The following MTO1 variants were observed in gnomAD, a reference collection of about 807,000 sequenced individuals.
The protein encoded by MTO1 is 5-taurinomethyluridine-[tRNA] synthase subunit MTO1, mitochondrial.
MTO1 carries 46 observed loss-of-function variants against 71.6 expected under a neutral mutation model. The observed-to-expected ratio is 0.64, with a 90% CI of 0.51 to 0.82. The LOEUF (loss-of-function observed/expected upper bound fraction) is 0.82. Among genes scored for constraint, MTO1 ranks in the 40% least tolerant of loss-of-function variants. The probability of loss-of-function intolerance (pLI) is 0.00; values close to 1 mark genes in which losing one functional copy is unlikely to be tolerated. For missense variants in MTO1, 773 were observed against 867.5 expected (o/e 0.89, Z 1.37); for synonymous variants, 297 against 312.1 (o/e 0.95, Z 0.51).
chr6:73,468,419 A>G (rs560384302), intron 3 of MTO1, among the ~76,000 whole-genome samples: 1 of 151,896 alleles, frequency 6.6e-6, no homozygotes, highest in Non-Finnish European at 1.5e-5. Flanking sequence ...TGCCCAGCCT[A>G]TTAACTTATT....
intron 4 of MTO1, among the ~76,000 whole-genome samples, chr6:73,474,232 G>A (rs1405518406): frequency 3.3e-5 from 5 of 151,340 alleles, no homozygotes; most frequent in Admixed American, 6.6e-5. Context: ...ATACAGGCAC[G>A]CGCCACCACA....
At chr6:73,485,295 AGATG>A (rs547249674) in intron 9 of MTO1, among the ~76,000 whole-genome samples, 36 of 152,268 alleles carry the variant, frequency 2.4e-4, no homozygotes, top group Non-Finnish European at 4.7e-4. Context: ...CATTTTGTTT[AGATG>A]GATTTTTTTT....
chr6:73,495,803 A>G (rs182322118), intron 10 of MTO1, among the ~76,000 whole-genome samples: 1 of 152,330 alleles, frequency 6.6e-6, no homozygotes, highest in East Asian at 1.9e-4. Flanking sequence ...TTCTTGAGTC[A>G]TAACATTATA....
intron 4 of MTO1, among the ~76,000 whole-genome samples, chr6:73,475,512 C>CT (rs111808691): frequency 0.037 from 5,186 of 139,242 alleles, 262 homozygotes; most frequent in African/African-American, 0.12. Context: ...GTCTTGAACT[C>CT]TTTTTTTTTT....
At position 73,482,028 on chromosome 6, in the gene MTO1, G is replaced by A. The variant is rs371070319; in HGVS notation, c.1261-12G>A. The A allele has an allele frequency of 8.1e-6, 13 of 1,613,932 alleles. No individual in the cohort carries two copies. The highest frequency in any genetic ancestry group is 4.0e-5 in the African/African-American group (3 of 74,892). On this transcript the variant is annotated splice_polypyrimidine_tract_variant and intron_variant, in intron 7 of 11. Coordinates refer to ENST00000498286, the MANE Select transcript of MTO1 (RefSeq NM_012123.4). ...TCATAATGGCCTTTTAAACATTTCA[G>A]TGCTCTTGTAGGGTGTGATAGCCGG...
chr6:73,474,636 C>T (rs375887583), intron 4 of MTO1, among the ~76,000 whole-genome samples: 206 of 151,832 alleles, frequency 1.4e-3, no homozygotes, highest in South Asian at 4.8e-3. Context: ...TTTGTAGAGA[C>T]GGGGTTTCAC....
chr6:73,468,291 G>C lies in MTO1; in HGVS notation c.535+1685G>C, dbSNP rs139535808. On this transcript the variant is annotated intron_variant, in intron 3 of 11. Transcript: ENST00000498286. ...TGCCACCATGCCCGGCTAATTTTTTGTATTTTTAGTAGAGACAGGGTTTCA... is the reference window on the plus strand; with the variant it reads ...TGCCACCATGCCCGGCTAATTTTTTCTATTTTTAGTAGAGACAGGGTTTCA... 2.9e-3 allele frequency among the ~76,000 whole-genome samples: 436 copies of C among 151,928 alleles called. 2 individuals are homozygous for C. Among genetic ancestry groups the C allele is most frequent in the African/African-American group, 9.5e-3 (395 of 41,446 alleles).
rs144507715 is a variant in MTO1 at position 73,485,961 on chromosome 6, T to C, written c.1637+3341T>C. Among the ~76,000 whole-genome samples the C allele has an allele frequency of 8.3e-3, 1,267 of 152,172 alleles. 21 individuals are homozygous for C. The highest frequency in any genetic ancestry group is 0.028 in the African/African-American group (1,167 of 41,520). The stretch of plus-strand genomic sequence containing the variant: ...CACATACACACACACACACACACAT[T>C]TTCTGTCAGGATTACAGAGAAATGT... On this transcript the variant is annotated intron_variant, in intron 9 of 11. Transcript: ENST00000498286.
In MTO1 at chr6:73,475,687, T is replaced by C. The variant is rs539860692; in HGVS notation, c.825+2033T>C. Among the ~76,000 whole-genome samples, 104 of 152,138 alleles carry C rather than the reference T, an allele frequency of 6.8e-4. 4 individuals are homozygous for C. The South Asian group carries it at 0.02, about 29-fold the overall frequency. On this transcript the variant is annotated intron_variant, in intron 4 of 11. Coordinates refer to ENST00000498286, the MANE Select transcript of MTO1 (RefSeq NM_012123.4). ...GTGCCACCACACCTGGCTAATTTTG[T>C]ATTTTTAGTAGATGGGGTTTCTCCA... is the stretch of plus-strand genomic sequence containing the variant.
intron 1 of MTO1, chr6:73,464,228 T>G (rs1160232483): frequency 4.6e-5 from 7 of 152,180 alleles, no homozygotes. Flanking sequence ...TACTCACGCT[T>G]GTAATCCCAG....
rs765936030 is a variant in MTO1, at chr6:73,479,818, T to C, written c.912T>C (p.His304=). The C allele has an allele frequency of 1.1e-5, 18 of 1,613,814 alleles. No homozygotes were observed. The highest frequency in any genetic ancestry group is 6.7e-5 in the East Asian group (3 of 44,868). The change falls in exon 5 of 12, where the codon CAT becomes CAC. Residue 304 remains histidine, a synonymous_variant. Coordinates refer to ENST00000498286, the MANE Select transcript of MTO1 (RefSeq NM_012123.4). ...IVLKNLHLNS[H]VKETTRGPRY... ...TTAAGAACCTTCACCTTAATAGTCA[T>C]GTTAAAGAAACGACAAGAGGACCTC...
At position 73,482,203 on chromosome 6, in the gene MTO1, C is replaced by T. The variant is rs1313737208; in HGVS notation, c.1424C>T (p.Ser475Leu). Reference protein sequence around the residue: ...MFTSRVEFRLSLRPDNADSRL... With the variant: ...MFTSRVEFRLLLRPDNADSRL... Reference sequence around the variant, plus strand: ...ACCAGCCGAGTAGAGTTCCGTTTGTCACTGCGCCCTGATAATGCTGACAGC... The same window carrying T: ...ACCAGCCGAGTAGAGTTCCGTTTGTTACTGCGCCCTGATAATGCTGACAGC... The change falls in exon 8 of 12, where the codon TCA becomes TTA. Residue 475 changes from serine to leucine, a missense_variant. Physicochemically the swap from Ser to Leu is moderately radical, Grantham distance 145. Coordinates refer to ENST00000498286, the MANE Select transcript of MTO1 (RefSeq NM_012123.4). The T allele has an allele frequency of 6.2e-7, 1 of 1,614,052 alleles. No homozygotes were observed. Among genetic ancestry groups the T allele is most frequent in the South Asian group, 1.1e-5 (1 of 91,086 alleles).
chr6:73,478,566 A>T (rs1421680610), intron 4 of MTO1, among the ~76,000 whole-genome samples: 1 of 152,122 alleles, frequency 6.6e-6, no homozygotes, highest in African/African-American at 2.4e-5. Context: ...TTTGAGACAG[A>T]GTCTTGCCCA....
intron 9 of MTO1, among the ~76,000 whole-genome samples, chr6:73,486,142 A>G (rs1582690915): frequency 6.6e-6 from 1 of 152,252 alleles, no homozygotes; most frequent in Non-Finnish European, 1.5e-5. Context: ...CCTTGTGAAC[A>G]GATTTTTTTA....
rs1582691975 is a variant in MTO1 at position 73,487,237 on chromosome 6, A to C, written c.1637+4617A>C. Among the ~76,000 whole-genome samples the C allele has an allele frequency of 2.2e-5, 3 of 135,072 alleles. No individual in the cohort carries two copies. The East Asian group carries it at 6.3e-4, about 28-fold the overall frequency. The allele number at this position is 135,072 out of a possible 152,430, so 88.6% of individuals were successfully genotyped here. On this transcript the variant is annotated intron_variant, in intron 9 of 11. Transcript: ENST00000498286. ...TTTTTTGAGACCGTCTCACTCTGTC[A>C]CTCAGATTGGAGTGGCACAATTTCT... is the stretch of plus-strand genomic sequence containing the variant.
At chr6:73,482,701 T>C in intron 9 of MTO1, 81 bp downstream of exon 9, 1 of 1,206,226 alleles carries the variant, frequency 8.3e-7, no homozygotes, top group Non-Finnish European at 1.1e-6. Flanking sequence ...ACATTACCTA[T>C]GTGTTCCTAC....
intron 10 of MTO1, 127 bp from the exon 11 acceptor site, chr6:73,497,609 T>G: frequency 1.1e-6 from 1 of 920,708 alleles, no homozygotes; most frequent in Non-Finnish European, 1.6e-6. Flanking sequence ...ACCCATCTCA[T>G]GAAATGAGTG....
chr6:73,466,616 G>T lies in MTO1; in HGVS notation c.535+10G>T. On this transcript the variant is annotated intron_variant, in intron 3 of 11. Coordinates refer to ENST00000498286, the MANE Select transcript of MTO1 (RefSeq NM_012123.4). ...AGTGGGGTTGTTTTGGGTACGTATT[G>T]GTTATAGATGGTGTATGATAACAGC... The T allele has an allele frequency of 6.3e-7, 1 of 1,595,244 alleles. No homozygotes were observed. The highest frequency in any genetic ancestry group is 1.1e-5 in the South Asian group (1 of 90,552).
At chr6:73,478,172 G>C (rs1771384270) in intron 4 of MTO1, among the ~76,000 whole-genome samples, 1 of 151,874 alleles carries the variant, frequency 6.6e-6, no homozygotes, top group Admixed American at 6.6e-5. Flanking sequence ...CTTGAACCCG[G>C]GAGGCAGAGG....
Sources: gnomAD v4.1 joint callset for allele counts (sites outside exome capture counted in the v4.1 genomes callset) on GRCh38, gnomAD v4.1.1 for gene constraint, MANE v1.5 for transcripts, NCBI Gene and HGNC (gene_info 2026-07-23, HGNC 2026-07-21) for gene names.